Variants in DNAH5 observed in about 807,000 individuals in gnomAD.
The protein encoded by DNAH5 is dynein axonemal heavy chain 5, also known as axonemal beta dynein heavy chain 5.
In DNAH5, 372 loss-of-function variants were observed where a neutral mutation model predicts 518.2. The observed-to-expected ratio is 0.72, with a 90% CI of 0.66 to 0.78. DNAH5 has a LOEUF of 0.78. DNAH5 is among the 30% of genes least tolerant of loss of function. DNAH5 has a pLI of 0.00. For missense variants in DNAH5, 5,523 were observed against 5,687.0 expected (o/e 0.97, Z 0.93); for synonymous variants, 2,039 against 2,025.9 (o/e 1.01, Z -0.17).
chr5:13,694,718 T>C (rs1361319610), intron 78 of DNAH5, among the ~76,000 whole-genome samples: 1 of 152,232 alleles, frequency 6.6e-6, no homozygotes, highest in Non-Finnish European at 1.5e-5. Flanking sequence ...AGAGAGTCTC[T>C]ATAGAATCGT....
intron 53 of DNAH5, among the ~76,000 whole-genome samples, chr5:13,778,587 A>T (rs907529415): frequency 4.1e-5 from 3 of 73,490 alleles, no homozygotes; most frequent in Non-Finnish European, 8.7e-5. Flanking sequence ...AGAAAGAAAG[A>T]AAGAAAGAAA....
At position 13,807,220 on chromosome 5, in the gene DNAH5, A is replaced by G. The variant is rs140565527; in HGVS notation, c.7887+371T>C. Among the ~76,000 whole-genome samples the G allele has an allele frequency of 2.3e-3, 354 of 152,318 alleles. 3 individuals are homozygous for G. Among genetic ancestry groups the G allele is most frequent in the African/African-American group, 8.3e-3 (344 of 41,574 alleles). ...AGATTATTACAAAGTGCCTAGCCTAAAAGAGTATTAGGAACACCTTCAGGC... is the reference window on the plus strand; with the variant it reads ...AGATTATTACAAAGTGCCTAGCCTAGAAGAGTATTAGGAACACCTTCAGGC... On this transcript the variant is annotated intron_variant, in intron 47 of 78. Coordinates refer to ENST00000265104, the MANE Select transcript of DNAH5 (RefSeq NM_001369.3).
chr5:14,008,309 A>C (rs1483605942), intron 1 of DNAH5, among the ~76,000 whole-genome samples: 1 of 151,842 alleles, frequency 6.6e-6, no homozygotes, highest in African/African-American at 2.4e-5. Context: ...AGAGGGAAGA[A>C]GACAGGAATG....
chr5:13,725,316 G>A (rs1745573387), intron 70 of DNAH5, among the ~76,000 whole-genome samples: 1 of 152,238 alleles, frequency 6.6e-6, no homozygotes, highest in African/African-American at 2.4e-5. Flanking sequence ...AGGCAAAGAG[G>A]ACAGCTAAGT....
chr5:13,714,301 T>C (rs1743995915), intron 75 of DNAH5, 104 bp downstream of exon 75: 2 of 1,264,568 alleles, frequency 1.6e-6, no homozygotes, highest in Non-Finnish European at 2.3e-6. Context: ...GAATGTTTTT[T>C]AATTTCAGGA....
chr5:13,752,059 G>T (rs1050865847), intron 64 of DNAH5, 75 bp downstream of exon 64: 47 of 1,502,352 alleles, frequency 3.1e-5, no homozygotes, highest in Non-Finnish European at 4.3e-5. Context: ...CCTATTGAGA[G>T]AATTCTATCT....
chr5:14,004,211 CT>C (rs1281292765), intron 1 of DNAH5, among the ~76,000 whole-genome samples: 1 of 152,208 alleles, frequency 6.6e-6, no homozygotes, highest in Admixed American at 6.5e-5. Context: ...AAGAGTCCCC[CT>C]GGCCCAGCTG....
At chr5:13,913,596 A>T (rs1776282095) in intron 11 of DNAH5, 147 bp downstream of exon 11, 2 of 971,636 alleles carry the variant, frequency 2.1e-6, no homozygotes. Context: ...AACAAATCTA[A>T]TTTCTTTATT....
At chr5:13,939,590 C>T (rs758285677) in intron 1 of DNAH5, among the ~76,000 whole-genome samples, 16 of 152,102 alleles carry the variant, frequency 1.1e-4, no homozygotes, top group Admixed American at 9.8e-4. Context: ...CACAGGGCCC[C>T]GTCTCCTTTC....
rs748394135 is a variant in DNAH5 at position 13,823,387 on chromosome 5, G to A, written c.6580-17C>T. 1.3e-6 allele frequency: 2 copies of A among 1,532,080 alleles called. No individual in the cohort carries two copies. The highest frequency in any genetic ancestry group is 1.7e-5 in the Admixed American group (1 of 59,874). 94.9% of individuals were successfully genotyped at this position (1,532,080 alleles called of 1,614,324 possible). A position where few individuals can be genotyped will look rare whatever the true frequency, so the allele number is the denominator to read the frequency against. On this transcript the variant is annotated splice_polypyrimidine_tract_variant and intron_variant, in intron 39 of 78. Transcript: ENST00000265104. ...CTCATCAATCTAAAAAAAGAAAATG[G>A]GAAATCAGACCAATTATTCTGGTAT...
In DNAH5 at chr5:13,811,668, A is replaced by G. The variant is rs1252989107; in HGVS notation, c.7386T>C (p.Leu2462=). The G allele has an allele frequency of 1.2e-6, 2 of 1,614,052 alleles. No homozygotes were observed. The highest frequency in any genetic ancestry group is 2.7e-5 in the African/African-American group (2 of 74,936). Residue 2462 remains leucine (L), a synonymous_variant, in exon 44 of 79, where the codon CTT becomes CTC. Transcript: ENST00000265104. Reference sequence around the variant, plus strand: ...TTACCTTCAGAGGAATCAGGCCTTGAAGCATGTTAATGCTCTGTGTGATGA... The same window carrying G: ...TTACCTTCAGAGGAATCAGGCCTTGGAGCATGTTAATGCTCTGTGTGATGA... ...AFVITQSINM[L]QGLIPLKEQG...
At chr5:13,740,248 C>T (rs564884126) in intron 65 of DNAH5, among the ~76,000 whole-genome samples, 2 of 152,246 alleles carry the variant, frequency 1.3e-5, no homozygotes, top group South Asian at 2.1e-4. Context: ...TCACCCCCCT[C>T]TAAATTAGGA....
rs1345306448 is a variant in DNAH5, at chr5:13,691,697, G to A, written c.*287C>T. On this transcript the variant is annotated 3_prime_UTR_variant, in exon 79 of 79. Transcript: ENST00000265104. Reference sequence around the variant, plus strand: ...TACCCTAGTCAGTCTTCGGAGCGAAGTAAGAAGAAAATATACTACTGTGGA... The same window carrying A: ...TACCCTAGTCAGTCTTCGGAGCGAAATAAGAAGAAAATATACTACTGTGGA... 1 of 398,554 alleles carries A rather than the reference G, an allele frequency of 2.5e-6. No homozygotes were observed. The highest frequency in any genetic ancestry group is 4.7e-6 in the Non-Finnish European group (1 of 214,924). The allele number at this position is 398,554 out of a possible 1,614,324, so 24.7% of individuals were successfully genotyped here.
chr5:13,738,896 T>C (rs1253573489), intron 65 of DNAH5, among the ~76,000 whole-genome samples: 2 of 152,226 alleles, frequency 1.3e-5, no homozygotes, highest in African/African-American at 4.8e-5. Flanking sequence ...TTAGAGAGTT[T>C]ATTTGAAGAG....
intron 32 of DNAH5, among the ~76,000 whole-genome samples, chr5:13,842,479 GAAA>G (rs1281471336): frequency 8.7e-6 from 1 of 114,470 alleles, no homozygotes; most frequent in Non-Finnish European, 1.8e-5. Flanking sequence ...AAGAAAGAAA[GAAA>G]GAGAAAGAAA....
intron 35 of DNAH5, among the ~76,000 whole-genome samples, chr5:13,834,623 C>T (rs1343677304): frequency 6.6e-6 from 1 of 151,984 alleles, no homozygotes; most frequent in Non-Finnish European, 1.5e-5. Flanking sequence ...GTCGGGAGAC[C>T]CTCTGAGGTG....
intron 29 of DNAH5, 83 bp downstream of exon 29, chr5:13,862,465 T>G: frequency 7.6e-7 from 1 of 1,324,502 alleles, no homozygotes; most frequent in South Asian, 1.2e-5. Context: ...TGAAGGCTAT[T>G]ATTGTAATGG....
intron 43 of DNAH5, among the ~76,000 whole-genome samples, chr5:13,814,174 T>A (rs751565787): frequency 9.2e-5 from 14 of 152,198 alleles, no homozygotes; most frequent in Non-Finnish European, 1.6e-4. Context: ...AACTAATGAA[T>A]CTCATAAAAA....
chr5:13,796,144 C>T (rs1195704957), intron 47 of DNAH5, among the ~76,000 whole-genome samples: 1 of 152,182 alleles, frequency 6.6e-6, no homozygotes, highest in East Asian at 1.9e-4. Context: ...TGGCACAAGA[C>T]AGGGATGCCC....
Sources: gnomAD v4.1 joint callset for allele counts (sites outside exome capture counted in the v4.1 genomes callset) on GRCh38, gnomAD v4.1.1 for gene constraint, MANE v1.5 for transcripts, NCBI Gene and HGNC (gene_info 2026-07-23, HGNC 2026-07-21) for gene names.